PHLDB2: variants seen among roughly 807,000 people sequenced by gnomAD.
PHLDB2 encodes pleckstrin homology like domain family B member 2.
In PHLDB2, 71 loss-of-function variants were observed where a neutral mutation model predicts 123.6. The observed-to-expected ratio is 0.57, with a 90% CI of 0.47 to 0.70. The LOEUF is 0.70. Ranked by LOEUF, PHLDB2 falls within the 30% of genes least tolerant of loss-of-function variation. PHLDB2 has a pLI of 0.00. For synonymous variants in PHLDB2, 547 were observed against 541.6 expected, an observed-to-expected ratio of 1.01 and a Z score of -0.14; for missense variants, 1,446 against 1,519.5, an observed-to-expected ratio of 0.95 and a Z score of 0.80.
intron 1 of PHLDB2, among the ~76,000 whole-genome samples, chr3:111,798,682 A>AAAAATAAAAT (rs11276346): frequency 0.52 from 74,556 of 144,318 alleles, 20,948 homozygotes; most frequent in Middle Eastern, 0.64. Flanking sequence ...TGTCTCTAAT[A>AAAAATAAAAT]AAAATAAAAT....
Position 111,967,682 on chromosome 3 carries a change from G to A in PHLDB2, c.3173G>A (p.Arg1058Gln), listed in dbSNP as rs1333030737. The change falls in exon 15 of 18, where the codon CGG (arginine) becomes CAG (glutamine). Residue 1058 changes from arginine (R) to glutamine (Q), a missense_variant. This residue lies in a region of PHLDB2 where 594 missense variants were observed against 646.0 expected (regional missense o/e 0.92). Transcript: ENST00000431670. Reference sequence around the variant, plus strand: ...ATTGTTATGCATAATGTTTAGGAACGGGAAATGGAAGCCAAAAAACGAGCC... The same window carrying A: ...ATTGTTATGCATAATGTTTAGGAACAGGAAATGGAAGCCAAAAAACGAGCC... The part of the protein sequence containing the change: ...EKTRLLESRE[R>Q]EMEAKKRALE... 3 of 1,606,680 alleles carry A rather than the reference G, an allele frequency of 1.9e-6. No individual in the cohort carries two copies. The highest frequency in any genetic ancestry group is 2.5e-6 in the Non-Finnish European group (3 of 1,177,602).
At chr3:111,795,235 A>G (rs1209417408) in intron 1 of PHLDB2, among the ~76,000 whole-genome samples, 2 of 152,200 alleles carry the variant, frequency 1.3e-5, no homozygotes, top group Admixed American at 1.3e-4. Flanking sequence ...TCCACCCTTC[A>G]GTCATGGGAA....
At chr3:111,905,272 T>C (rs2067442721) in intron 2 of PHLDB2, among the ~76,000 whole-genome samples, 2 of 152,206 alleles carry the variant, frequency 1.3e-5, no homozygotes, top group Admixed American at 6.5e-5. Flanking sequence ...AGTGTAAGAA[T>C]TCTAAAGTAG....
intron 1 of PHLDB2, among the ~76,000 whole-genome samples, chr3:111,867,064 CTT>C (rs1218213179): frequency 6.6e-6 from 1 of 151,888 alleles, no homozygotes; most frequent in Non-Finnish European, 1.5e-5. Context: ...AGTGGTGACA[CTT>C]AGCTACCCCA....
chr3:111,898,922 A>G (rs1459455275), intron 2 of PHLDB2, among the ~76,000 whole-genome samples: 2 of 152,174 alleles, frequency 1.3e-5, no homozygotes, highest in Non-Finnish European at 1.5e-5. Context: ...ATCCATAAGG[A>G]CTGGAATCAA....
Position 111,960,880 on chromosome 3 carries a change from T to G in PHLDB2, c.2873-1228T>G, listed in dbSNP as rs562927745. 5.9e-5 allele frequency among the ~76,000 whole-genome samples: 9 copies of G among 152,278 alleles called. No homozygotes were observed. The South Asian group carries it at 1.7e-3, about 28-fold the overall frequency. On this transcript the variant is annotated intron_variant, in intron 12 of 17. Transcript: ENST00000431670. ...TTTAATGAATGGAGGAATTTGTTAATCAATATGATGCCTGCTTCTGAGTCT... is the reference window on the plus strand; with the variant it reads ...TTTAATGAATGGAGGAATTTGTTAAGCAATATGATGCCTGCTTCTGAGTCT...
chr3:111,896,609 C>T (rs2066887268), intron 2 of PHLDB2, among the ~76,000 whole-genome samples: 1 of 152,060 alleles, frequency 6.6e-6, no homozygotes, highest in Admixed American at 6.5e-5. Context: ...CCTTGGCCAC[C>T]CAAAGTGCTA....
In PHLDB2 at chr3:111,839,940, C is replaced by CTTTTTTTTTTTTTT. The variant is rs3082317; in HGVS notation, c.-48-5870_-48-5857dup. Among the ~76,000 whole-genome samples, 27 of 64,946 alleles carry CTTTTTTTTTTTTTT rather than the reference C, an allele frequency of 4.2e-4. 1 individual carries two copies. The highest frequency in any genetic ancestry group is 8.2e-4 in the Admixed American group (3 of 3,656). 42.6% of individuals were successfully genotyped at this position (64,946 alleles called of 152,430 possible). ...TTTGTTTAAAAGCCCCCCACCCCCG[C>CTTTTTTTTTTTTTT]TTTTTTTTTTTTTTTTTTTTTTTTG... On this transcript the variant is annotated intron_variant, in intron 1 of 17. Coordinates refer to the PHLDB2 transcript ENST00000393923.
At chr3:111,955,144 G>GATATATAT (rs1553754364) in intron 12 of PHLDB2, among the ~76,000 whole-genome samples, 2,650 of 145,296 alleles carry the variant, frequency 0.018, 61 homozygotes, top group South Asian at 0.071. Context: ...ATGTATATAT[G>GATATATAT]ATATATATAT....
At chr3:111,932,527 T>A in intron 6 of PHLDB2, 130 bp downstream of exon 6, 2 of 898,172 alleles carry the variant, frequency 2.2e-6, no homozygotes, top group Non-Finnish European at 3.3e-6. Context: ...TAGATACGTT[T>A]AAATGGAAAT....
chr3:111,751,024 A>T (rs1355601396), intron 1 of PHLDB2, among the ~76,000 whole-genome samples: 1 of 152,116 alleles, frequency 6.6e-6, no homozygotes, highest in Non-Finnish European at 1.5e-5. Flanking sequence ...AGAGCCCCCA[A>T]ACTGTGTTTT....
intron 5 of PHLDB2, among the ~76,000 whole-genome samples, chr3:111,929,845 G>A (rs2069014488): frequency 6.6e-6 from 1 of 151,898 alleles, no homozygotes; most frequent in African/African-American, 2.4e-5. Context: ...TCTTCTAGAT[G>A]CCCCCTTGTA....
At chr3:111,822,373 C>T (rs1032243010) in intron 1 of PHLDB2, among the ~76,000 whole-genome samples, 2 of 150,590 alleles carry the variant, frequency 1.3e-5, no homozygotes, top group African/African-American at 4.9e-5. Context: ...AATATTCGAA[C>T]AACTGTTTTC....
chr3:111,962,414 T>G, intron 13 of PHLDB2, 102 bp downstream of exon 13: 1 of 1,012,490 alleles, frequency 9.9e-7, no homozygotes. Flanking sequence ...CAAGCCCAAA[T>G]TTTTGAGACA....
chr3:111,845,286 T>C (rs1576861447), intron 1 of PHLDB2, among the ~76,000 whole-genome samples: 1 of 119,324 alleles, frequency 8.4e-6, no homozygotes. Flanking sequence ...ATCCGGGAGG[T>C]GGAGGTTGCA....
rs557128031 is a variant in PHLDB2, at chr3:111,865,470, T to C, written c.-15+5894T>C. Reference sequence around the variant, plus strand: ...GTGGTCATTTCCATTTCCTGCATTATGTAATGAGCACTCCTGTGTTATTTA... The same window carrying C: ...GTGGTCATTTCCATTTCCTGCATTACGTAATGAGCACTCCTGTGTTATTTA... On this transcript the variant is annotated intron_variant, in intron 1 of 17. Coordinates refer to ENST00000431670, the MANE Select transcript of PHLDB2 (RefSeq NM_001134438.2). Among the ~76,000 whole-genome samples, 10 of 152,322 alleles carry C rather than the reference T, an allele frequency of 6.6e-5. No homozygotes were observed. In the East Asian group the frequency reaches 1.5e-3, roughly 23 times the overall value.
intron 5 of PHLDB2, among the ~76,000 whole-genome samples, chr3:111,931,409 TG>T (rs1192052235): frequency 6.6e-6 from 1 of 152,244 alleles, no homozygotes; most frequent in East Asian, 1.9e-4. Context: ...TTAGAGTATT[TG>T]CCTATTAAAT....
chr3:111,874,709 T>C (rs2065517411), intron 1 of PHLDB2, among the ~76,000 whole-genome samples: 1 of 152,174 alleles, frequency 6.6e-6, no homozygotes, highest in African/African-American at 2.4e-5. Flanking sequence ...CTCACAGAGA[T>C]GAGGAAGAGC....
intron 11 of PHLDB2, among the ~76,000 whole-genome samples, chr3:111,953,294 A>C (rs2070826911): frequency 6.6e-6 from 1 of 152,162 alleles, no homozygotes; most frequent in Admixed American, 6.6e-5. Flanking sequence ...TTCTGCCGAC[A>C]TGCCTGAGGG....
Sources: allele counts gnomAD v4.1 joint callset (sites outside exome capture counted in the v4.1 genomes callset), GRCh38; gene constraint gnomAD v4.1.1; regional missense constraint gnomAD v4.1.1; transcripts MANE v1.5; gene names NCBI Gene and HGNC (gene_info 2026-07-23, HGNC 2026-07-21).